The following PDE1C variants were observed in gnomAD, a reference collection of about 807,000 sequenced individuals.
The protein encoded by PDE1C is dual specificity calcium/calmodulin-dependent 3',5'-cyclic nucleotide phosphodiesterase 1C.
PDE1C carries 62 observed loss-of-function variants against 93.1 expected under a neutral mutation model. That is an observed-to-expected ratio of 0.67 (90% CI 0.54 to 0.82). The LOEUF (loss-of-function observed/expected upper bound fraction) is 0.82, where lower values mean the gene tolerates loss of function less well. Ranked by LOEUF, PDE1C falls within the 40% of genes least tolerant of loss-of-function variation. The pLI, the probability that PDE1C is intolerant of heterozygous loss-of-function variation, is 0.00. For synonymous variants in PDE1C, 325 were observed against 310.1 expected, an observed-to-expected ratio of 1.05 and a Z score of -0.50; for missense variants, 742 against 884.6, an observed-to-expected ratio of 0.84 and a Z score of 2.04.
chr7:32,273,630 A>G (rs915796828), intron 1 of PDE1C, among the ~76,000 whole-genome samples: 1 of 152,154 alleles, frequency 6.6e-6, no homozygotes, highest in African/African-American at 2.4e-5. Context: ...GGGGGTTTTC[A>G]GAAGAGGAGG....
intron 2 of PDE1C, among the ~76,000 whole-genome samples, chr7:31,953,080 G>T (rs1807628193): frequency 6.6e-6 from 1 of 151,994 alleles, no homozygotes; most frequent in East Asian, 1.9e-4. Context: ...CATGTTGTTG[G>T]GTTGATAATA....
chr7:31,760,174 T>C (rs1302433538), intron 17 of PDE1C, among the ~76,000 whole-genome samples: 1 of 152,224 alleles, frequency 6.6e-6, no homozygotes, highest in Non-Finnish European at 1.5e-5. Flanking sequence ...GCACCTTAAA[T>C]AATGCTAACA....
chr7:32,299,299 G>A lies in PDE1C; in HGVS notation c.-564C>T, dbSNP rs1022548317. Reference sequence around the variant, plus strand: ...AAGGCAAACCCCTCAGCCATGAGATGTTGCCGAAGTTTACTCCAAACAAGG... The same window carrying A: ...AAGGCAAACCCCTCAGCCATGAGATATTGCCGAAGTTTACTCCAAACAAGG... On this transcript the variant is annotated 5_prime_UTR_variant, in exon 1 of 19. Coordinates refer to the PDE1C transcript ENST00000396193. The A allele has an allele frequency of 8.1e-6, 8 of 985,668 alleles. No homozygotes were observed. In the African/African-American group the frequency reaches 1.4e-4, roughly 17 times the overall value. The allele number at this position is 985,668 out of a possible 1,614,324, so 61.1% of individuals were successfully genotyped here.
At chr7:32,155,917 G>C (rs920455294) in intron 3 of PDE1C, among the ~76,000 whole-genome samples, 2 of 152,120 alleles carry the variant, frequency 1.3e-5, no homozygotes, top group Non-Finnish European at 2.9e-5. Context: ...CACAGCCATG[G>C]GTCATGGGTC....
chr7:31,913,781 G>A (rs1412767234), intron 2 of PDE1C, among the ~76,000 whole-genome samples: 1 of 152,144 alleles, frequency 6.6e-6, no homozygotes, highest in African/African-American at 2.4e-5. Flanking sequence ...TCCAATCCCA[G>A]CCTCACAAAA....
chr7:31,888,935 T>C (rs1346394766), intron 2 of PDE1C, among the ~76,000 whole-genome samples: 2 of 152,144 alleles, frequency 1.3e-5, no homozygotes, highest in Non-Finnish European at 2.9e-5. Flanking sequence ...CGAAACAGTT[T>C]CTAGGAATAA....
At chr7:31,942,462 A>T (rs1805985161) in intron 2 of PDE1C, among the ~76,000 whole-genome samples, 1 of 152,118 alleles carries the variant, frequency 6.6e-6, no homozygotes, top group Non-Finnish European at 1.5e-5. Context: ...TGTTGAAGCT[A>T]TTTGAATTCC....
At chr7:32,079,002 G>A (rs770316784) in intron 3 of PDE1C, among the ~76,000 whole-genome samples, 1 of 152,144 alleles carries the variant, frequency 6.6e-6, no homozygotes, top group African/African-American at 2.4e-5. Flanking sequence ...TTGAGCAGGT[G>A]TGTAGGAGAT....
At chr7:32,061,066 C>G (rs1319286040) in intron 1 of PDE1C, among the ~76,000 whole-genome samples, 1 of 152,166 alleles carries the variant, frequency 6.6e-6, no homozygotes, top group Non-Finnish European at 1.5e-5. Context: ...TCCATATTTA[C>G]TAGATGTATC....
At chr7:31,845,146 A>G (rs1792398707) in intron 9 of PDE1C, among the ~76,000 whole-genome samples, 1 of 152,122 alleles carries the variant, frequency 6.6e-6, no homozygotes, top group Non-Finnish European at 1.5e-5. Context: ...CTATTACCTG[A>G]AAATAATTTT....
At chr7:31,841,820 GGTAA>G (rs1791941177) in intron 9 of PDE1C, among the ~76,000 whole-genome samples, 1 of 152,012 alleles carries the variant, frequency 6.6e-6, no homozygotes, top group African/African-American at 2.4e-5. Flanking sequence ...AGATCTGCAG[GGTAA>G]ATCAGCAAGT....
At chr7:31,777,694 C>T (rs1269365385) in intron 16 of PDE1C, among the ~76,000 whole-genome samples, 3 of 152,124 alleles carry the variant, frequency 2.0e-5, no homozygotes, top group South Asian at 2.1e-4. Context: ...CAGACAATAA[C>T]AAATGTTATT....
intron 3 of PDE1C, among the ~76,000 whole-genome samples, chr7:32,145,402 A>G (rs998178924): frequency 6.6e-6 from 1 of 152,168 alleles, no homozygotes; most frequent in Admixed American, 6.6e-5. Context: ...TTTTCCCATT[A>G]GCTGTGTCAC....
chr7:31,628,736 T>A, the PDE1C span, among the ~76,000 whole-genome samples: 3 of 152,086 alleles, frequency 2.0e-5, no homozygotes, highest in Non-Finnish European at 2.9e-5. Context: ...GATTACAGGC[T>A]TGAGCCACCG....
Position 32,010,724 on chromosome 7 carries a change from A to G in PDE1C, c.128+40830T>C, listed in dbSNP as rs980395234. ...AGTTCCTTCTGAGGGCAGTGAAGGAAGGACGTGTTCCAGGCCTCTCTCCTT... is the reference window on the plus strand; with the variant it reads ...AGTTCCTTCTGAGGGCAGTGAAGGAGGGACGTGTTCCAGGCCTCTCTCCTT... On this transcript the variant is annotated intron_variant, in intron 2 of 17. Coordinates refer to ENST00000396191, the MANE Select transcript of PDE1C (RefSeq NM_001191057.4). Among the ~76,000 whole-genome samples the G allele has an allele frequency of 2.0e-5, 3 of 152,198 alleles. No homozygotes were observed. The South Asian group carries it at 6.2e-4, about 32-fold the overall frequency.
chr7:31,669,505 G>T, the PDE1C span, among the ~76,000 whole-genome samples: 1 of 152,108 alleles, frequency 6.6e-6, no homozygotes, highest in African/African-American at 2.4e-5. Context: ...CACTGTCAAG[G>T]TAAAATATGG....
the PDE1C span, among the ~76,000 whole-genome samples, chr7:31,620,064 C>T: frequency 1.1e-4 from 16 of 152,250 alleles, no homozygotes; most frequent in Admixed American, 2.0e-4. Context: ...GAGGGGTGCC[C>T]GCCATTACCC....
intron 2 of PDE1C, among the ~76,000 whole-genome samples, chr7:31,958,552 C>G (rs6462317): frequency 6.6e-6 from 1 of 152,224 alleles, no homozygotes; most frequent in African/African-American, 2.4e-5. Context: ...ATCAAGCATA[C>G]CTAAAAACTG....
intron 1 of PDE1C, among the ~76,000 whole-genome samples, chr7:32,275,618 C>T (rs757828417): frequency 6.6e-6 from 1 of 151,792 alleles, no homozygotes; most frequent in African/African-American, 2.4e-5. Context: ...ACCTCCCCTA[C>T]CTGAAAGTTA....
Sources: gnomAD v4.1 joint callset for allele counts (sites outside exome capture counted in the v4.1 genomes callset) on GRCh38, gnomAD v4.1.1 for gene constraint, MANE v1.5 for transcripts, NCBI Gene and HGNC (gene_info 2026-07-23, HGNC 2026-07-21) for gene names.